Variants in MDGA2 observed in about 807,000 individuals in gnomAD.
MDGA2 encodes the protein MAM domain containing glycosylphosphatidylinositol anchor 2, also known as MAM domain-containing glycosylphosphatidylinositol anchor protein 2.
Under a neutral mutation model 117.8 loss-of-function variants are expected in MDGA2, and 40 were observed. The observed-to-expected ratio is 0.34, with a 90% CI of 0.26 to 0.44. The LOEUF (loss-of-function observed/expected upper bound fraction) is 0.44. Ranked by LOEUF, MDGA2 falls within the 20% of genes least tolerant of loss-of-function variation. The pLI is 1.00. For synonymous variants in MDGA2, 452 were observed against 439.0 expected, an observed-to-expected ratio of 1.03 and a Z score of -0.37; for missense variants, 1,123 against 1,250.6, an observed-to-expected ratio of 0.90 and a Z score of 1.54.
chr14:47,091,741 G>A (rs1240826672), intron 6 of MDGA2, among the ~76,000 whole-genome samples: 2 of 145,398 alleles, frequency 1.4e-5, no homozygotes, highest in Non-Finnish European at 3.0e-5. Context: ...CTAGTCAATA[G>A]ACTGACTGGA....
intron 2 of MDGA2, among the ~76,000 whole-genome samples, chr14:47,284,020 G>A (rs1888588261): frequency 6.6e-6 from 1 of 152,154 alleles, no homozygotes; most frequent in Non-Finnish European, 1.5e-5. Flanking sequence ...GGTAGCCTCT[G>A]TCCCCAACAA....
chr14:47,635,665 A>G (rs555153655), intron 1 of MDGA2, among the ~76,000 whole-genome samples: 1 of 152,290 alleles, frequency 6.6e-6, no homozygotes, highest in South Asian at 2.1e-4. Flanking sequence ...TGTGGCCATT[A>G]TCTGATTTAA....
At chr14:47,432,657 T>C (rs1251495308) in intron 1 of MDGA2, among the ~76,000 whole-genome samples, 14 of 152,046 alleles carry the variant, frequency 9.2e-5, no homozygotes, top group Admixed American at 9.2e-4. Flanking sequence ...TTGCCTTGAA[T>C]ATAAAATTTG....
At chr14:47,454,265 TC>T (rs1893301680) in intron 1 of MDGA2, among the ~76,000 whole-genome samples, 1 of 152,178 alleles carries the variant, frequency 6.6e-6, no homozygotes, top group African/African-American at 2.4e-5. Flanking sequence ...CAAATGACAT[TC>T]TTGTGACAGA....
chr14:46,873,211 C>T, intron 14 of MDGA2: 2 of 420,898 alleles, frequency 4.8e-6, no homozygotes, highest in Non-Finnish European at 4.2e-6. Context: ...TTTAGGATTC[C>T]AAAGGGAGGT....
intron 10 of MDGA2, among the ~76,000 whole-genome samples, chr14:46,885,867 A>C (rs1882653363): frequency 6.6e-6 from 1 of 152,194 alleles, no homozygotes; most frequent in South Asian, 2.1e-4. Flanking sequence ...CATCTGAAGG[A>C]CTCTGAGTTT....
intron 2 of MDGA2, among the ~76,000 whole-genome samples, chr14:47,241,531 G>A (rs1887040895): frequency 6.6e-6 from 1 of 151,876 alleles, no homozygotes; most frequent in Admixed American, 6.6e-5. Flanking sequence ...AAAGGTTTTA[G>A]TTGTTTGCTT....
At chr14:47,248,972 T>TTC (rs145914181) in intron 2 of MDGA2, among the ~76,000 whole-genome samples, 37,141 of 135,954 alleles carry the variant, frequency 0.27, 5,780 homozygotes, top group Admixed American at 0.46. Context: ...TCTTCCTTCC[T>TTC]TCTCTCTCTT....
intron 1 of MDGA2, among the ~76,000 whole-genome samples, chr14:47,348,908 A>G (rs1415943854): frequency 1.3e-5 from 2 of 152,210 alleles, no homozygotes; most frequent in Non-Finnish European, 2.9e-5. Context: ...AAATGGAGAG[A>G]GAATTACTGA....
At chr14:46,990,877 CA>C (rs1887066194) in intron 8 of MDGA2, among the ~76,000 whole-genome samples, 1 of 142,312 alleles carries the variant, frequency 7.0e-6, no homozygotes, top group Non-Finnish European at 1.5e-5. Context: ...CACACACACA[CA>C]CACACACACA....
intron 9 of MDGA2, among the ~76,000 whole-genome samples, chr14:46,948,212 T>C (rs1398215690): frequency 6.6e-6 from 1 of 152,110 alleles, no homozygotes; most frequent in African/African-American, 2.4e-5. Flanking sequence ...TTTCTGATTA[T>C]TAATACTCCT....
At chr14:47,401,741 C>G (rs1426286435) in intron 1 of MDGA2, among the ~76,000 whole-genome samples, 1 of 152,146 alleles carries the variant, frequency 6.6e-6, no homozygotes, top group Non-Finnish European at 1.5e-5. Flanking sequence ...GAGGCCATGT[C>G]GCCAGCACAA....
intron 1 of MDGA2, among the ~76,000 whole-genome samples, chr14:47,366,585 T>C (rs1202681438): frequency 6.6e-6 from 1 of 152,112 alleles, no homozygotes. Context: ...AGTGCTCTAC[T>C]AATCACTCAA....
At chr14:47,611,771 C>T (rs990898617) in intron 1 of MDGA2, among the ~76,000 whole-genome samples, 2 of 152,084 alleles carry the variant, frequency 1.3e-5, no homozygotes, top group Non-Finnish European at 2.9e-5. Context: ...AAGCCACATG[C>T]CAAACAAAGC....
At chr14:47,044,463 T>C (rs1889186447) in intron 7 of MDGA2, among the ~76,000 whole-genome samples, 1 of 152,266 alleles carries the variant, frequency 6.6e-6, no homozygotes, top group South Asian at 2.1e-4. Context: ...AGAATGTCCA[T>C]GTGGATCTAT....
chr14:47,585,993 G>T (rs1473992358), intron 1 of MDGA2, among the ~76,000 whole-genome samples: 1 of 151,842 alleles, frequency 6.6e-6, no homozygotes, highest in South Asian at 2.1e-4. Flanking sequence ...ACTACAACTT[G>T]TTCAACCTAG....
At chr14:47,107,943 T>C (rs1224631602) in intron 5 of MDGA2, among the ~76,000 whole-genome samples, 1 of 150,956 alleles carries the variant, frequency 6.6e-6, no homozygotes, top group Non-Finnish European at 1.5e-5. Context: ...CAGACATAAT[T>C]CCTCAGTTTA....
chr14:47,110,269 T>C (rs543512272), intron 5 of MDGA2, among the ~76,000 whole-genome samples: 1 of 152,320 alleles, frequency 6.6e-6, no homozygotes, highest in African/African-American at 2.4e-5. Context: ...CAGCCGAATG[T>C]TGACTCTGAA....
chr14:47,383,979 TA>T (rs1891695900), intron 1 of MDGA2, among the ~76,000 whole-genome samples: 2 of 100,460 alleles, frequency 2.0e-5, no homozygotes, highest in African/African-American at 8.3e-5. Flanking sequence ...GTTAAATAGA[TA>T]GATGATAGAT....
Sources: gnomAD v4.1 joint callset for allele counts (sites outside exome capture counted in the v4.1 genomes callset) on GRCh38, gnomAD v4.1.1 for gene constraint, MANE v1.5 for transcripts, NCBI Gene and HGNC (gene_info 2026-07-23, HGNC 2026-07-21) for gene names.